Variants in PTPRK observed in about 807,000 individuals in gnomAD.
PTPRK encodes the protein protein tyrosine phosphatase receptor type K, also known as receptor-type tyrosine-protein phosphatase kappa.
In PTPRK, 75 loss-of-function variants were observed where a neutral mutation model predicts 178.0. That is an observed-to-expected ratio of 0.42 (90% CI 0.35 to 0.51). The LOEUF is 0.51. PTPRK is among the 20% of genes least tolerant of loss of function. The pLI, the probability that PTPRK is intolerant of heterozygous loss-of-function variation, is 0.02. For synonymous variants in PTPRK, 637 were observed against 620.6 expected, an observed-to-expected ratio of 1.03 and a Z score of -0.39; for missense variants, 1,441 against 1,797.8, an observed-to-expected ratio of 0.80 and a Z score of 3.59.
At chr6:128,286,857 G>A (rs1428828071) in intron 3 of PTPRK, among the ~76,000 whole-genome samples, 1 of 152,180 alleles carries the variant, frequency 6.6e-6, no homozygotes, top group Non-Finnish European at 1.5e-5. Flanking sequence ...TAATAAGGCA[G>A]TATCTTTTTG....
intron 13 of PTPRK, among the ~76,000 whole-genome samples, chr6:128,047,207 C>T (rs1002171400): frequency 6.6e-6 from 1 of 152,030 alleles, no homozygotes; most frequent in African/African-American, 2.4e-5. Flanking sequence ...GTGATTGTTT[C>T]TTAATATTGG....
At chr6:128,058,776 T>C (rs1189720315) in intron 13 of PTPRK, among the ~76,000 whole-genome samples, 2 of 152,024 alleles carry the variant, frequency 1.3e-5, no homozygotes, top group Admixed American at 6.6e-5. Context: ...TCTTTGACTA[T>C]TGTAACATCA....
chr6:128,382,890 A>G (rs1838151209), intron 2 of PTPRK, among the ~76,000 whole-genome samples: 1 of 152,228 alleles, frequency 6.6e-6, no homozygotes, highest in African/African-American at 2.4e-5. Flanking sequence ...CTACTGGTTC[A>G]GTAAAAGAAC....
At chr6:128,508,584 C>G (rs867738090) in intron 1 of PTPRK, among the ~76,000 whole-genome samples, 1 of 152,140 alleles carries the variant, frequency 6.6e-6, no homozygotes, top group Non-Finnish European at 1.5e-5. Flanking sequence ...GTAGGACCCC[C>G]TTACCCACAG....
At chr6:128,025,263 A>G (rs1441164366) in intron 13 of PTPRK, among the ~76,000 whole-genome samples, 1 of 152,250 alleles carries the variant, frequency 6.6e-6, no homozygotes, top group Admixed American at 6.5e-5. Context: ...ATGAATTCAT[A>G]TAACGAAGTC....
At chr6:128,110,275 T>C (rs1348178886) in intron 7 of PTPRK, among the ~76,000 whole-genome samples, 1 of 152,102 alleles carries the variant, frequency 6.6e-6, no homozygotes, top group African/African-American at 2.4e-5. Flanking sequence ...ATAAATATTA[T>C]GCACTCAAAG....
At chr6:128,313,607 T>C (rs1231066339) in intron 3 of PTPRK, among the ~76,000 whole-genome samples, 1 of 151,968 alleles carries the variant, frequency 6.6e-6, no homozygotes, top group Non-Finnish European at 1.5e-5. Flanking sequence ...AAAAAAAGAA[T>C]GGTAGAAAGA....
Position 127,996,764 on chromosome 6 carries a change from C to A in PTPRK, c.2767+137G>T. On this transcript the variant is annotated intron_variant, in intron 17 of 29. Coordinates refer to ENST00000368226, the MANE Select transcript of PTPRK (RefSeq NM_002844.4). ...GGGATTACAGGCATGAGCCCTCAAG[C>A]CTGATTGTAAATGCTGTTTTAATAT... The A allele has an allele frequency of 2.6e-6, 3 of 1,166,756 alleles. No homozygotes were observed. The South Asian group carries it at 5.0e-5, about 19-fold the overall frequency. 72.3% of individuals were successfully genotyped at this position (1,166,756 alleles called of 1,614,324 possible). A position where few individuals can be genotyped will look rare whatever the true frequency, so the allele number is the denominator to read the frequency against.
Position 127,976,819 on chromosome 6 carries a change from G to C in PTPRK, c.3844-37C>G, listed in dbSNP as rs760124249. 3 of 1,610,092 alleles carry C rather than the reference G, an allele frequency of 1.9e-6. No individual in the cohort carries two copies. In the African/African-American group the frequency reaches 4.0e-5, roughly 22 times the overall value. On this transcript the variant is annotated intron_variant, in intron 26 of 29. Coordinates refer to ENST00000368226, the MANE Select transcript of PTPRK (RefSeq NM_002844.4). ...ACGTTTTGAAAGAAAAAAAAAAAGA[G>C]TATTATTTTTTCTAGTTAGGAGAGT...
At chr6:128,394,024 C>T (rs867790607) in intron 2 of PTPRK, among the ~76,000 whole-genome samples, 2 of 152,148 alleles carry the variant, frequency 1.3e-5, no homozygotes, top group Non-Finnish European at 2.9e-5. Flanking sequence ...CATCATTACC[C>T]AAACCCTCCT....
intron 2 of PTPRK, among the ~76,000 whole-genome samples, chr6:128,373,402 T>C (rs889536636): frequency 1.3e-5 from 2 of 152,204 alleles, no homozygotes; most frequent in Admixed American, 6.5e-5. Flanking sequence ...TTGGCTTCCA[T>C]TACATTGATG....
intron 2 of PTPRK, among the ~76,000 whole-genome samples, chr6:128,354,613 A>G (rs9388630): frequency 0.97 from 147,807 of 152,270 alleles, 71,886 homozygotes; most frequent in East Asian, 1. Flanking sequence ...TTTTTACCAC[A>G]TAAGCATCTA....
chr6:128,367,887 C>T (rs542655594), intron 2 of PTPRK, among the ~76,000 whole-genome samples: 15 of 152,110 alleles, frequency 9.9e-5, no homozygotes, highest in African/African-American at 3.4e-4. Context: ...AGAGAGCCTT[C>T]GGGAAAAAAT....
At chr6:128,242,492 G>A in intron 4 of PTPRK, 29 bp downstream of exon 4, 1 of 1,604,764 alleles carries the variant, frequency 6.2e-7, no homozygotes, top group Non-Finnish European at 8.5e-7. Flanking sequence ...AAAGGACATA[G>A]AAAAATACAA....
chr6:128,494,119 T>C (rs1037777025), intron 1 of PTPRK, among the ~76,000 whole-genome samples: 1 of 150,648 alleles, frequency 6.6e-6, no homozygotes, highest in Non-Finnish European at 1.5e-5. Context: ...AGCCCAGGAG[T>C]TTGAGGCTGC....
intron 3 of PTPRK, among the ~76,000 whole-genome samples, chr6:128,247,687 G>A (rs1374813161): frequency 6.6e-6 from 1 of 152,088 alleles, no homozygotes; most frequent in East Asian, 1.9e-4. Context: ...CTTCTATAAA[G>A]GAAAGTTTAT....
chr6:128,184,344 A>AT, intron 7 of PTPRK, 88 bp downstream of exon 7: 1 of 1,292,700 alleles, frequency 7.7e-7, no homozygotes, highest in Non-Finnish European at 1.1e-6. Context: ...CATATATCAA[A>AT]TAATGAGAAC....
At chr6:128,484,390 T>G (rs1260449565) in intron 1 of PTPRK, among the ~76,000 whole-genome samples, 1 of 152,158 alleles carries the variant, frequency 6.6e-6, no homozygotes, top group Non-Finnish European at 1.5e-5. Flanking sequence ...AACATAATGC[T>G]TGCTACAGGT....
chr6:128,279,352 A>G (rs751820672), intron 3 of PTPRK, among the ~76,000 whole-genome samples: 6 of 152,204 alleles, frequency 3.9e-5, no homozygotes, highest in Non-Finnish European at 8.8e-5. Flanking sequence ...TTAAAAAAAT[A>G]TTGATTTGTG....
Sources: allele counts gnomAD v4.1 joint callset (sites outside exome capture counted in the v4.1 genomes callset), GRCh38; gene constraint gnomAD v4.1.1; transcripts MANE v1.5; gene names NCBI Gene and HGNC (gene_info 2026-07-23, HGNC 2026-07-21).